The following TANC2 variants were observed in gnomAD, a reference collection of about 807,000 sequenced individuals.
TANC2 encodes protein TANC2.
TANC2 carries 26 observed loss-of-function variants against 210.5 expected under a neutral mutation model. The ratio of observed to expected loss-of-function variants is 0.12; its 90% confidence interval spans 0.09 to 0.17. The LOEUF (loss-of-function observed/expected upper bound fraction) is 0.17, where lower values mean the gene tolerates loss of function less well. Among genes scored for constraint, TANC2 ranks in the 10% least tolerant of loss-of-function variants. The probability of loss-of-function intolerance (pLI) is 1.00; values close to 1 mark genes in which losing one functional copy is unlikely to be tolerated. For synonymous variants in TANC2, 931 were observed against 967.1 expected, an observed-to-expected ratio of 0.96 and a Z score of 0.69; for missense variants, 2,129 against 2,608.9, an observed-to-expected ratio of 0.82 and a Z score of 4.01.
Position 63,420,743 on chromosome 17 carries a change from G to C in TANC2, c.5013G>C (p.Arg1671=). ...CTCCATTATCCAAAATGGCCCAGCG[G>C]CCCTACCAGATGCCTCAGCTCCCTG... Residue 1671 remains arginine (R), a synonymous_variant, in exon 28 of 28, where the codon CGG becomes CGC. Transcript: ENST00000689528. This position sits in a 1 kb window ranked among gnomAD's most constrained non-coding sequence, Gnocchi z 4.2. The C allele has an allele frequency of 6.2e-7, 1 of 1,613,986 alleles. No homozygotes were observed. Among genetic ancestry groups the C allele is most frequent in the Non-Finnish European group, 8.5e-7 (1 of 1,179,894 alleles).
At position 63,013,498 on chromosome 17, in the gene TANC2, C is replaced by T. The variant is rs550415817; in HGVS notation, c.67+3872C>T. 2.0e-4 allele frequency among the ~76,000 whole-genome samples: 31 copies of T among 152,094 alleles called. 1 individual carries two copies. The highest frequency in any genetic ancestry group is 1.7e-3 in the Admixed American group (26 of 15,288). On this transcript the variant is annotated intron_variant, in intron 2 of 27. Coordinates refer to ENST00000689528, the Ensembl canonical transcript of TANC2. ...TATTCTGGCCAAGTGTGGCAGTGCACGCCTGATAATCCTAGCACTTTGGGA... is the reference window on the plus strand; with the variant it reads ...TATTCTGGCCAAGTGTGGCAGTGCATGCCTGATAATCCTAGCACTTTGGGA...
intron 4 of TANC2, among the ~76,000 whole-genome samples, chr17:63,131,162 G>A (rs1002310814): frequency 2.0e-5 from 3 of 152,172 alleles, no homozygotes; most frequent in Non-Finnish European, 2.9e-5. Flanking sequence ...GGACTGTGTT[G>A]TAGTATAACA....
exon 15 of TANC2, chr17:63,379,734 C>T (rs1194313825): frequency 1.2e-6 from 2 of 1,612,176 alleles, no homozygotes; most frequent in Admixed American, 1.7e-5. Flanking sequence ...TCACACGTTA[C>T]TTGCCTTCTG....
At chr17:63,207,210 C>CT (rs2041743443) in intron 7 of TANC2, among the ~76,000 whole-genome samples, 1 of 139,472 alleles carries the variant, frequency 7.2e-6, no homozygotes, top group African/African-American at 2.7e-5. Context: ...CTTTTTTTTT[C>CT]CTTTTTTTTT....
At chr17:63,083,871 T>TA (rs1303346153) in intron 3 of TANC2, among the ~76,000 whole-genome samples, 1 of 152,240 alleles carries the variant, frequency 6.6e-6, no homozygotes, top group Non-Finnish European at 1.5e-5. Context: ...ATTCCTTTTA[T>TA]ACATTTTTGG....
chr17:63,241,573 G>A (rs1222070301), intron 8 of TANC2, among the ~76,000 whole-genome samples: 1 of 152,132 alleles, frequency 6.6e-6, no homozygotes, highest in Non-Finnish European at 1.5e-5. Context: ...TCAGTTGTTG[G>A]AACAGAGATC....
intron 2 of TANC2, among the ~76,000 whole-genome samples, chr17:63,034,601 C>G (rs1381977577): frequency 6.6e-6 from 1 of 152,100 alleles, no homozygotes; most frequent in African/African-American, 2.4e-5. Context: ...GGAAAGGATT[C>G]ACCATTCTAG....
rs879773847 is a variant in TANC2 at position 63,097,038 on chromosome 17, GT to G, written c.140-2124del. On this transcript the variant is annotated intron_variant, in intron 3 of 27. Transcript: ENST00000689528. ...GAAATGTTTATTCAAGTACTTTGAA[GT>G]TTTTTTTTTTTTCTTTTTCAAGAAA... Among the ~76,000 whole-genome samples the G allele has an allele frequency of 5.1e-4, 73 of 144,244 alleles. 1 individual carries two copies. Among genetic ancestry groups the G allele is most frequent in the South Asian group, 3.1e-3 (14 of 4,538 alleles). The allele number at this position is 144,244 out of a possible 152,430, so 94.6% of individuals were successfully genotyped here. A position where few individuals can be genotyped will look rare whatever the true frequency, so the allele number is the denominator to read the frequency against.
At chr17:63,159,215 A>C (rs1567772826) in intron 5 of TANC2, among the ~76,000 whole-genome samples, 1 of 152,208 alleles carries the variant, frequency 6.6e-6, no homozygotes, top group East Asian at 1.9e-4. Context: ...ACAAAAGGTC[A>C]TGATTACAGA....
chr17:63,141,773 C>G (rs977852147), intron 4 of TANC2, among the ~76,000 whole-genome samples: 12 of 151,974 alleles, frequency 7.9e-5, no homozygotes, highest in Non-Finnish European at 1.3e-4. Context: ...GGGATGTTTT[C>G]TCTTCCATTT....
At chr17:63,419,465 AGAGCAAATG>A in intron 27 of TANC2, among the ~76,000 whole-genome samples, 1 of 152,346 alleles carries the variant, frequency 6.6e-6, no homozygotes, top group Non-Finnish European at 1.5e-5. Context: ...CCACTTTGAT[AGAGCAAATG>A]GAGACACAGC....
chr17:63,094,808 C>G (rs1052059790), intron 3 of TANC2, among the ~76,000 whole-genome samples: 2 of 152,128 alleles, frequency 1.3e-5, no homozygotes, highest in African/African-American at 4.8e-5. Flanking sequence ...CACCAGGTGT[C>G]CAGCATAACT....
At chr17:63,262,009 T>C (rs1014999796) in intron 8 of TANC2, among the ~76,000 whole-genome samples, 2 of 152,200 alleles carry the variant, frequency 1.3e-5, no homozygotes, top group East Asian at 3.8e-4. Flanking sequence ...TGGTTTGTTA[T>C]CTAAAAACTA....
At chr17:63,129,313 G>A (rs1418777641) in intron 4 of TANC2, among the ~76,000 whole-genome samples, 1 of 152,104 alleles carries the variant, frequency 6.6e-6, no homozygotes, top group Non-Finnish European at 1.5e-5. Context: ...AGACTTTGTA[G>A]TAAGACATAC....
At chr17:63,220,548 A>G (rs1158551249) in intron 7 of TANC2, among the ~76,000 whole-genome samples, 1 of 151,176 alleles carries the variant, frequency 6.6e-6, no homozygotes, top group Non-Finnish European at 1.5e-5. Context: ...CTAAAAATAC[A>G]AAAAAATTAG....
At chr17:63,279,522 C>A (rs953271211) in intron 9 of TANC2, among the ~76,000 whole-genome samples, 2 of 151,328 alleles carry the variant, frequency 1.3e-5, no homozygotes, top group South Asian at 2.1e-4. Flanking sequence ...GGATTGTGAC[C>A]CAAAGGAGAG....
intron 5 of TANC2, among the ~76,000 whole-genome samples, chr17:63,180,062 G>A (rs935929313): frequency 1.3e-5 from 2 of 151,616 alleles, no homozygotes; most frequent in African/African-American, 4.9e-5. Flanking sequence ...GATTGCTTGG[G>A]CCCACCTGGG....
At chr17:63,382,060 C>T (rs1265720070) in intron 15 of TANC2, among the ~76,000 whole-genome samples, 1 of 152,168 alleles carries the variant, frequency 6.6e-6, no homozygotes, top group Non-Finnish European at 1.5e-5. Flanking sequence ...TGAATTGAAC[C>T]AAACTGACGC....
intron 8 of TANC2, among the ~76,000 whole-genome samples, chr17:63,257,074 ATT>A (rs58464562): frequency 6.7e-4 from 85 of 126,020 alleles, no homozygotes; most frequent in South Asian, 2.3e-3. Context: ...GTTGGTTGGT[ATT>A]TTTTTTTTTT....
Sources: gnomAD v4.1 joint callset for allele counts (sites outside exome capture counted in the v4.1 genomes callset) on GRCh38, gnomAD v4.1.1 for gene constraint, Gnocchi (gnomAD v3.1) non-coding constraint, MANE v1.5 for transcripts, NCBI Gene and HGNC (gene_info 2026-07-23, HGNC 2026-07-21) for gene names.